Variants in AAMDC observed in about 807,000 individuals in gnomAD.
AAMDC encodes the protein adipogenesis associated Mth938 domain containing.
A neutral mutation model predicts 15.5 loss-of-function variants in AAMDC; 16 were observed. That is an observed-to-expected ratio of 1.03 (90% CI 0.70 to 1.57). The LOEUF (loss-of-function observed/expected upper bound fraction) is 1.57. AAMDC is among the 40% of genes most tolerant of loss of function. The pLI is 0.00. For missense variants in AAMDC, 141 were observed against 144.9 expected (o/e 0.97, Z 0.14); for synonymous variants, 51 against 51.6 (o/e 0.99, Z 0.05).
rs71473358 is a variant in AAMDC, at chr11:77,858,302, CTTTTTTTTT to C, written c.133-11403_133-11395del. Among the ~76,000 whole-genome samples, 120 of 69,364 alleles carry C rather than the reference CTTTTTTTTT, an allele frequency of 1.7e-3. 6 individuals are homozygous for C. In the South Asian group the frequency reaches 0.065, roughly 38 times the overall value. The allele number at this position is 69,364 out of a possible 152,430, so 45.5% of individuals were successfully genotyped here. ...CTCCACCTCCTGCGTTTAAGCAATT[CTTTTTTTTT>C]TTTTTTTTTTTTTTTTGTAGTTGCA... On this transcript the variant is annotated intron_variant, in intron 2 of 3. Coordinates refer to ENST00000393427, the MANE Select transcript of AAMDC (RefSeq NM_024684.4).
Position 77,834,920 on chromosome 11 carries a change from TA to T in AAMDC, c.-18-7552del, listed in dbSNP as rs1310780827. On this transcript the variant is annotated intron_variant, in intron 1 of 3. Coordinates refer to ENST00000393427, the MANE Select transcript of AAMDC (RefSeq NM_024684.4). ...AATACTGAGAGTGGAATACAGAAGT[TA>T]AAAAAATGAATATTATCTCATGAGC... Among the ~76,000 whole-genome samples, 5 of 152,094 alleles carry T rather than the reference TA, an allele frequency of 3.3e-5. 1 individual carries two copies. Among genetic ancestry groups the T allele is most frequent in the Non-Finnish European group, 7.4e-5 (5 of 68,018 alleles).
At chr11:77,873,213 T>C (rs1951503742), downstream of AAMDC, among the ~76,000 whole-genome samples, 1 of 152,248 alleles carries the variant, frequency 6.6e-6, no homozygotes, top group Non-Finnish European at 1.5e-5. Context: ...ATTTGTCTAA[T>C]TTCTTAGTTT....
intron 5 of AAMDC, among the ~76,000 whole-genome samples, chr11:77,885,961 G>T (rs139635463): frequency 1.3e-5 from 2 of 152,116 alleles, no homozygotes; most frequent in African/African-American, 2.4e-5. Flanking sequence ...AGCATTTTGC[G>T]GGGCTGAGGC....
chr11:77,891,812 G>C, intron 5 of AAMDC: 2 of 1,611,694 alleles, frequency 1.2e-6, no homozygotes, highest in Non-Finnish European at 1.7e-6. Context: ...AAGCTGTCCT[G>C]CAAGTGGGGC....
At chr11:77,874,471 A>G (rs777118650), downstream of AAMDC, among the ~76,000 whole-genome samples, 1 of 151,928 alleles carries the variant, frequency 6.6e-6, no homozygotes, top group Non-Finnish European at 1.5e-5. Flanking sequence ...GTTGTCTCCA[A>G]TTAAAGAGAA....
chr11:77,872,128 TG>T (rs751418968), intron 3 of AAMDC, 46 bp from the exon 4 acceptor site: 70 of 1,587,278 alleles, frequency 4.4e-5, no homozygotes, highest in East Asian at 6.7e-5. Context: ...AAGGAACCCC[TG>T]GGGGGCCTTT....
rs147321032 is a variant in AAMDC at position 77,842,588 on chromosome 11, G to C, written c.92G>C (p.Gly31Ala). The C allele has an allele frequency of 3.3e-5, 53 of 1,613,870 alleles. No homozygotes were observed. Among genetic ancestry groups the C allele is most frequent in the Middle Eastern group, 1.6e-4 (1 of 6,084 alleles). The change falls in exon 2 of 4, where the codon GGG becomes GCG. Residue 31 changes from glycine to alanine, a missense_variant. By Grantham distance (60) the Gly-to-Ala change is moderately conservative (BLOSUM62 0). Coordinates refer to ENST00000393427, the MANE Select transcript of AAMDC (RefSeq NM_024684.4). ...TATAAGGACTGCAAAGTATGGCCAGGGGGTAGTCGGACTTGGGATTGGAGA... is the reference window on the plus strand; with the variant it reads ...TATAAGGACTGCAAAGTATGGCCAGCGGGTAGTCGGACTTGGGATTGGAGA... ...TTYKDCKVWP[G>A]GSRTWDWRET...
rs1952274378 is a variant in AAMDC, at chr11:77,891,679, A to T, written c.329-8892A>T. ...GCCTACAGGGGCCAAATAGACCCTGACCTGCTCTGGAAGCGGGAGATGCAG... is the reference window on the plus strand; with the variant it reads ...GCCTACAGGGGCCAAATAGACCCTGTCCTGCTCTGGAAGCGGGAGATGCAG... On this transcript the variant is annotated intron_variant, in intron 5 of 5. Coordinates refer to the AAMDC transcript ENST00000304716. 1 of 1,611,974 alleles carries T rather than the reference A, an allele frequency of 6.2e-7. No homozygotes were observed. The highest frequency in any genetic ancestry group is 8.5e-7 in the Non-Finnish European group (1 of 1,179,844).
chr11:77,832,349 G>A (rs1480830617), intron 1 of AAMDC, among the ~76,000 whole-genome samples: 1 of 150,188 alleles, frequency 6.7e-6, no homozygotes, highest in Non-Finnish European at 1.5e-5. Flanking sequence ...TTTTTGAGAC[G>A]GCGTTTCGCT....
At chr11:77,870,329 A>ATTTTTTTTTTTTTTTTTTTTTT (rs965312288) in intron 3 of AAMDC, among the ~76,000 whole-genome samples, 1 of 87,982 alleles carries the variant, frequency 1.1e-5, no homozygotes, top group Non-Finnish European at 2.2e-5. Context: ...CTATTTTTTA[A>ATTTTTTTTTTTTTTTTTTTTTT]TTTTTTTTTT....
rs1317625369 is a variant in AAMDC at position 77,821,183 on chromosome 11, A to T, written c.-77A>T. The T allele has an allele frequency of 5.6e-6, 2 of 356,242 alleles. No individual in the cohort carries two copies. The highest frequency in any genetic ancestry group is 4.2e-5 in the African/African-American group (2 of 47,564). The allele number at this position is 356,242 out of a possible 1,614,324, so 22.1% of individuals were successfully genotyped here. A position where few individuals can be genotyped will look rare whatever the true frequency, so the allele number is the denominator to read the frequency against. The stretch of plus-strand genomic sequence containing the variant: ...GATCCCGAAGCAGCGCTGGGAGCGT[A>T]AGTGCGGGCAGAGCACTGCGCCGTT... On this transcript the variant is annotated 5_prime_UTR_variant, in exon 1 of 4. Coordinates refer to ENST00000393427, the MANE Select transcript of AAMDC (RefSeq NM_024684.4).
At chr11:77,901,078 A>G (rs1952762900), downstream of AAMDC, among the ~76,000 whole-genome samples, 1 of 152,224 alleles carries the variant, frequency 6.6e-6, no homozygotes, top group Admixed American at 6.5e-5. Flanking sequence ...TCCCTTCAGA[A>G]CAGAAAAAGT....
At chr11:77,869,889 CCTT>C in intron 3 of AAMDC, 72 bp downstream of exon 3, 2 of 1,449,814 alleles carry the variant, frequency 1.4e-6, no homozygotes, top group African/African-American at 1.4e-5. Context: ...ACAGACTTGT[CCTT>C]CTTGGGAGGT....
downstream of AAMDC, among the ~76,000 whole-genome samples, chr11:77,875,802 AG>A (rs1391370718): frequency 1.3e-5 from 2 of 152,340 alleles, no homozygotes; most frequent in African/African-American, 4.8e-5. Flanking sequence ...AAAGAACCAC[AG>A]GAGACAGTCT....
chr11:77,898,079 A>T (rs950404628), intron 5 of AAMDC, among the ~76,000 whole-genome samples: 1 of 152,080 alleles, frequency 6.6e-6, no homozygotes, highest in Non-Finnish European at 1.5e-5. Flanking sequence ...GGCCTCCCAA[A>T]GTCTGGGATT....
intron 1 of AAMDC, among the ~76,000 whole-genome samples, chr11:77,832,400 C>T (rs556103632): frequency 6.7e-6 from 1 of 149,156 alleles, no homozygotes; most frequent in African/African-American, 2.5e-5. Context: ...GATCTCGGCT[C>T]GCTGCAACCT....
downstream of AAMDC, among the ~76,000 whole-genome samples, chr11:77,902,958 C>T (rs1200545518): frequency 6.6e-6 from 1 of 152,186 alleles, no homozygotes; most frequent in East Asian, 1.9e-4. Flanking sequence ...ATAGTAGAGA[C>T]AGCGTTTCAC....
In AAMDC at chr11:77,825,646, T is replaced by A. The variant is rs150168925; in HGVS notation, c.-19+4405T>A. Among the ~76,000 whole-genome samples, 217 of 152,080 alleles carry A rather than the reference T, an allele frequency of 1.4e-3. 1 individual carries two copies. Among genetic ancestry groups the A allele is most frequent in the African/African-American group, 3.6e-3 (148 of 41,506 alleles). Reference sequence around the variant, plus strand: ...ACTGAATTCTGTGTTACAACAGAATTCTATTCATTGAAGAAGACACCTTTA... The same window carrying A: ...ACTGAATTCTGTGTTACAACAGAATACTATTCATTGAAGAAGACACCTTTA... On this transcript the variant is annotated intron_variant, in intron 1 of 3. Coordinates refer to ENST00000393427, the MANE Select transcript of AAMDC (RefSeq NM_024684.4).
chr11:77,890,230 A>T (rs2136388398), intron 5 of AAMDC, among the ~76,000 whole-genome samples: 1 of 152,328 alleles, frequency 6.6e-6, no homozygotes, highest in South Asian at 2.1e-4. Context: ...CAGGTCTCAT[A>T]ATTTTTAATA....
Sources: gnomAD v4.1 joint callset for allele counts (sites outside exome capture counted in the v4.1 genomes callset) on GRCh38, gnomAD v4.1.1 for gene constraint, MANE v1.5 for transcripts, NCBI Gene and HGNC (gene_info 2026-07-23, HGNC 2026-07-21) for gene names.